RIMS2: variants seen among roughly 807,000 people sequenced by gnomAD.
RIMS2 encodes the protein regulating synaptic membrane exocytosis 2.
Under a neutral mutation model 174.4 loss-of-function variants are expected in RIMS2, and 59 were observed. The observed-to-expected ratio is 0.34, with a 90% CI of 0.27 to 0.42. The LOEUF is 0.42. Ranked by LOEUF, RIMS2 falls within the 10% of genes least tolerant of loss-of-function variation. The pLI is 1.00. For missense variants in RIMS2, 1,620 were observed against 1,666.3 expected, an observed-to-expected ratio of 0.97 and a Z score of 0.48; for synonymous variants, 606 against 572.5, an observed-to-expected ratio of 1.06 and a Z score of -0.84.
chr8:104,064,526 T>C (rs1598080625), intron 19 of RIMS2, among the ~76,000 whole-genome samples: 2 of 152,064 alleles, frequency 1.3e-5, no homozygotes, highest in African/African-American at 4.8e-5. Context: ...AAATGTCATT[T>C]AGTAGGAATG....
At chr8:103,746,828 G>A (rs2097824146) in intron 2 of RIMS2, among the ~76,000 whole-genome samples, 1 of 151,910 alleles carries the variant, frequency 6.6e-6, no homozygotes, top group Non-Finnish European at 1.5e-5. Flanking sequence ...CTACAGGCAT[G>A]TGCCACCACA....
chr8:104,126,658 A>C (rs1566565966), intron 19 of RIMS2, among the ~76,000 whole-genome samples: 1 of 152,220 alleles, frequency 6.6e-6, no homozygotes, highest in Non-Finnish European at 1.5e-5. Context: ...AAAATATGTG[A>C]GTGCTTGTAA....
At chr8:103,944,108 CTAAT>C (rs2083171548) in intron 14 of RIMS2, among the ~76,000 whole-genome samples, 1 of 152,042 alleles carries the variant, frequency 6.6e-6, no homozygotes. Context: ...AATAACCTCT[CTAAT>C]TACTGGAATT....
chr8:103,787,159 G>A (rs375308566), intron 3 of RIMS2, among the ~76,000 whole-genome samples: 9,157 of 145,982 alleles, frequency 0.063, 301 homozygotes, highest in Non-Finnish European at 0.076. Context: ...TTGAGCCTAT[G>A]TGTGTCTCTG....
chr8:104,071,039 T>G (rs2097186981), intron 19 of RIMS2, among the ~76,000 whole-genome samples: 1 of 152,070 alleles, frequency 6.6e-6, no homozygotes, highest in Non-Finnish European at 1.5e-5. Context: ...ACTTGATCAG[T>G]TATATGATTT....
intron 4 of RIMS2, among the ~76,000 whole-genome samples, chr8:103,887,654 C>T (rs894918101): frequency 2.6e-5 from 4 of 151,178 alleles, no homozygotes; most frequent in African/African-American, 9.7e-5. Context: ...TTTTGTTTAT[C>T]GAATCAACAG....
chr8:104,155,421 T>TC (rs1458628402), intron 19 of RIMS2, among the ~76,000 whole-genome samples: 1 of 129,116 alleles, frequency 7.7e-6, no homozygotes, highest in Non-Finnish European at 1.6e-5. Context: ...TTTTTTTTTT[T>TC]TTTTTTTTCT....
Position 103,521,608 on chromosome 8 carries a change from A to C in RIMS2, c.176+20546A>C, listed in dbSNP as rs1035807301. 3.6e-4 allele frequency among the ~76,000 whole-genome samples: 55 copies of C among 152,060 alleles called. 1 individual carries two copies. The highest frequency in any genetic ancestry group is 7.4e-5 in the Non-Finnish European group (5 of 67,980). Reference sequence around the variant, plus strand: ...GTTTTCAGTAATTGCAGAAAATTTCATTGCAATTAAAACAAAAATAGTCAA... The same window carrying C: ...GTTTTCAGTAATTGCAGAAAATTTCCTTGCAATTAAAACAAAAATAGTCAA... On this transcript the variant is annotated intron_variant, in intron 1 of 23. Coordinates refer to ENST00000504942, the Ensembl canonical transcript of RIMS2.
intron 19 of RIMS2, among the ~76,000 whole-genome samples, chr8:104,032,020 A>G (rs886650343): frequency 4.6e-5 from 7 of 152,058 alleles, no homozygotes; most frequent in African/African-American, 1.7e-4. Flanking sequence ...TTAGGGAAAA[A>G]ATGACTAATT....
intron 14 of RIMS2, among the ~76,000 whole-genome samples, chr8:103,944,043 T>C (rs1362831163): frequency 6.6e-6 from 1 of 152,134 alleles, no homozygotes; most frequent in African/African-American, 2.4e-5. Flanking sequence ...ATTGATCTTA[T>C]GGGATACTTA....
chr8:104,199,272 C>G (rs561269552), intron 19 of RIMS2, among the ~76,000 whole-genome samples: 3 of 151,974 alleles, frequency 2.0e-5, no homozygotes, highest in Non-Finnish European at 4.4e-5. Context: ...CAGTGTTAGC[C>G]AGGAGGGTCT....
chr8:103,624,345 A>G (rs2095722185), intron 1 of RIMS2, among the ~76,000 whole-genome samples: 1 of 152,220 alleles, frequency 6.6e-6, no homozygotes, highest in Admixed American at 6.5e-5. Flanking sequence ...TGCTTAAGCT[A>G]GGACATCTCA....
intron 19 of RIMS2, among the ~76,000 whole-genome samples, chr8:104,233,639 A>G (rs1290015829): frequency 6.6e-6 from 1 of 152,200 alleles, no homozygotes; most frequent in African/African-American, 2.4e-5. Context: ...CATTGCTGTC[A>G]TAGCCTGCTT....
intron 2 of RIMS2, among the ~76,000 whole-genome samples, chr8:103,732,192 G>T (rs907375517): frequency 6.6e-6 from 1 of 152,220 alleles, no homozygotes; most frequent in Non-Finnish European, 1.5e-5. Flanking sequence ...GACTCTAACA[G>T]ACTCACCGAG....
chr8:103,869,489 G>A (rs780604148), intron 3 of RIMS2, among the ~76,000 whole-genome samples: 40 of 151,996 alleles, frequency 2.6e-4, no homozygotes, highest in Admixed American at 7.2e-4. Context: ...CCACCACCAC[G>A]CCCAGCTAAT....
chr8:103,809,531 G>A (rs1049882595), intron 3 of RIMS2, among the ~76,000 whole-genome samples: 4 of 151,022 alleles, frequency 2.6e-5, no homozygotes, highest in Non-Finnish European at 5.9e-5. Flanking sequence ...GAGCTCTTTA[G>A]TACTTAGAAA....
intron 3 of RIMS2, among the ~76,000 whole-genome samples, chr8:103,827,468 T>C (rs1009170896): frequency 6.6e-6 from 1 of 152,198 alleles, no homozygotes; most frequent in African/African-American, 2.4e-5. Context: ...ATTGCCTTAT[T>C]ATAATGCATA....
At chr8:104,184,438 A>G (rs1035362313) in intron 19 of RIMS2, among the ~76,000 whole-genome samples, 2 of 151,588 alleles carry the variant, frequency 1.3e-5, no homozygotes, top group Non-Finnish European at 3.0e-5. Flanking sequence ...ATTAAAAACT[A>G]CTAGAGAAAA....
chr8:103,522,231 G>T (rs1056805862), intron 1 of RIMS2, among the ~76,000 whole-genome samples: 1 of 152,084 alleles, frequency 6.6e-6, no homozygotes, highest in African/African-American at 2.4e-5. Flanking sequence ...CTAATATTAA[G>T]ATTTCAGTAA....
Sources: allele counts gnomAD v4.1 joint callset (sites outside exome capture counted in the v4.1 genomes callset), GRCh38; gene constraint gnomAD v4.1.1; transcripts MANE v1.5; gene names NCBI Gene and HGNC (gene_info 2026-07-23, HGNC 2026-07-21).